The following GDAP2 variants were observed in gnomAD, a reference collection of about 807,000 sequenced individuals.
The protein encoded by GDAP2 is ganglioside-induced differentiation-associated protein 2.
In GDAP2, 51 loss-of-function variants were observed where a neutral mutation model predicts 67.0. The ratio of observed to expected loss-of-function variants is 0.76; its 90% CI spans 0.61 to 0.96. GDAP2 has a LOEUF of 0.96. Among genes scored for constraint, GDAP2 ranks in the 40% least tolerant of loss-of-function variants. The probability of loss-of-function intolerance (pLI) is 0.00; values close to 1 mark genes in which losing one functional copy is unlikely to be tolerated. For synonymous variants in GDAP2, 203 were observed against 207.3 expected (o/e 0.98, Z 0.18); for missense variants, 547 against 588.3 (o/e 0.93, Z 0.73).
intron 10 of GDAP2, among the ~76,000 whole-genome samples, chr1:117,884,813 C>CAT (rs376358688): frequency 0.013 from 1,905 of 147,930 alleles, 26 homozygotes; most frequent in African/African-American, 0.034. Flanking sequence ...TTATTCCCTC[C>CAT]GTGTGTGTGT....
chr1:117,863,650 A>C lies in GDAP2; in HGVS notation c.*6919T>G, dbSNP rs146215550. On this transcript the variant is annotated 3_prime_UTR_variant, in exon 14 of 14. Coordinates refer to ENST00000369443, the MANE Select transcript of GDAP2 (RefSeq NM_017686.4). ...GATTTGACAATAAATATTTTTGAGA[A>C]AATATAAGAAAATAAACTTTCTAAA... is the stretch of plus-strand genomic sequence containing the variant. 1 of 149,930 alleles carries C rather than the reference A, an allele frequency of 6.7e-6. No homozygotes were observed. Among genetic ancestry groups the C allele is most frequent in the East Asian group, 1.9e-4 (1 of 5,196 alleles). The allele number at this position is 149,930 out of a possible 1,614,324, so 9.3% of individuals were successfully genotyped here.
chr1:117,918,955 CCAT>C, intron 2 of GDAP2, among the ~76,000 whole-genome samples: 1 of 152,126 alleles, frequency 6.6e-6, no homozygotes, highest in Non-Finnish European at 1.5e-5. Context: ...CACAAAACCA[CCAT>C]GTTTAGAAAT....
intron 8 of GDAP2, among the ~76,000 whole-genome samples, chr1:117,888,869 T>C (rs536093963): frequency 7.9e-5 from 12 of 152,234 alleles, no homozygotes; most frequent in South Asian, 2.1e-4. Flanking sequence ...TAAAGTACAA[T>C]TGCACAACTG....
At chr1:117,905,771 C>T (rs1248453179) in intron 6 of GDAP2, among the ~76,000 whole-genome samples, 1 of 151,978 alleles carries the variant, frequency 6.6e-6, no homozygotes, top group Non-Finnish European at 1.5e-5. Context: ...AGTAAATGTG[C>T]CTTTTTTCAG....
In GDAP2 at chr1:117,884,181, T is replaced by C. The variant is rs550947327; in HGVS notation, c.1108-554A>G. ...AATTTTTTTAGATCTTTAGTGCTGA[T>C]CTGAAGGAGGACATTGACAGCAGGT... On this transcript the variant is annotated intron_variant, in intron 10 of 13. Transcript: ENST00000369443. 2.0e-5 allele frequency among the ~76,000 whole-genome samples: 3 copies of C among 152,242 alleles called. No individual in the cohort carries two copies. The East Asian group carries it at 5.8e-4, about 29-fold the overall frequency.
At chr1:117,885,733 G>A (rs1227355151) in intron 10 of GDAP2, among the ~76,000 whole-genome samples, 2 of 152,008 alleles carry the variant, frequency 1.3e-5, no homozygotes, top group Non-Finnish European at 2.9e-5. Context: ...TAAATTCTGT[G>A]TAATTTTGCA....
At chr1:117,927,851 C>T (rs1650506607) in intron 1 of GDAP2, among the ~76,000 whole-genome samples, 1 of 151,972 alleles carries the variant, frequency 6.6e-6, no homozygotes, top group Non-Finnish European at 1.5e-5. Flanking sequence ...TTAGTAGTAC[C>T]CCTTCATATT....
intron 1 of GDAP2, among the ~76,000 whole-genome samples, chr1:117,924,588 A>G (rs1650378133): frequency 6.6e-6 from 1 of 152,256 alleles, no homozygotes; most frequent in African/African-American, 2.4e-5. Flanking sequence ...TAATTGGAAC[A>G]AAACATGGAT....
chr1:117,899,262 A>C, intron 6 of GDAP2, 46 bp from the exon 7 acceptor site: 6 of 1,379,894 alleles, frequency 4.3e-6, no homozygotes, highest in Non-Finnish European at 6.2e-6. Context: ...GAACAAAACA[A>C]AGAAGACCTC....
chr1:117,922,429 T>C (rs76168165), intron 1 of GDAP2, among the ~76,000 whole-genome samples: 1,952 of 152,302 alleles, frequency 0.013, 35 homozygotes, highest in South Asian at 0.092. Context: ...ATCAGTTAAA[T>C]GATACTGAAA....
chr1:117,916,800 G>A (rs1051395773), intron 3 of GDAP2, among the ~76,000 whole-genome samples: 4 of 152,146 alleles, frequency 2.6e-5, no homozygotes. Flanking sequence ...TTGGGAGGCC[G>A]AGGCAGGCAG....
intron 1 of GDAP2, among the ~76,000 whole-genome samples, chr1:117,921,063 A>T (rs529079110): frequency 3.9e-4 from 59 of 152,350 alleles, no homozygotes; most frequent in Non-Finnish European, 6.9e-4. Flanking sequence ...TGGAAGACAC[A>T]CAGCGTCAAG....
intron 8 of GDAP2, among the ~76,000 whole-genome samples, chr1:117,893,610 G>GAAAAT (rs1306157700): frequency 6.6e-6 from 1 of 152,054 alleles, no homozygotes; most frequent in Middle Eastern, 3.2e-3. Context: ...CTCAATATGT[G>GAAAAT]AAAATAAAAG....
At chr1:117,882,064 A>G (rs956754671) in intron 11 of GDAP2, among the ~76,000 whole-genome samples, 187 bp from the exon 12 acceptor site, 1 of 152,164 alleles carries the variant, frequency 6.6e-6, no homozygotes, top group Non-Finnish European at 1.5e-5. Context: ...TCCATTTTTT[A>G]AAGTATCTCT....
At chr1:117,872,813 T>G (rs779875651) in intron 13 of GDAP2, among the ~76,000 whole-genome samples, 16 of 152,072 alleles carry the variant, frequency 1.1e-4, no homozygotes, top group Non-Finnish European at 2.4e-4. Flanking sequence ...AACCTGCACA[T>G]CCTACACATG....
chr1:117,878,295 G>C, intron 12 of GDAP2, 143 bp from the exon 13 acceptor site: 1 of 527,486 alleles, frequency 1.9e-6, no homozygotes, highest in African/African-American at 1.9e-5. Flanking sequence ...TCTGAATTTT[G>C]CAATCATCAG....
At chr1:117,905,755 AG>A (rs1649632469) in intron 6 of GDAP2, among the ~76,000 whole-genome samples, 1 of 152,170 alleles carries the variant, frequency 6.6e-6, no homozygotes, top group Admixed American at 6.6e-5. Flanking sequence ...AGATGAAACG[AG>A]ATAAAGTAAA....
intron 6 of GDAP2, among the ~76,000 whole-genome samples, chr1:117,902,817 G>C (rs1405635361): frequency 6.6e-6 from 1 of 152,128 alleles, no homozygotes; most frequent in African/African-American, 2.4e-5. Flanking sequence ...GATTTTGATA[G>C]GAATTAAGTC....
At chr1:117,904,501 T>C (rs957262785) in intron 6 of GDAP2, among the ~76,000 whole-genome samples, 2 of 152,236 alleles carry the variant, frequency 1.3e-5, no homozygotes, top group African/African-American at 4.8e-5. Flanking sequence ...TAAACTTGTT[T>C]TTCATTATCC....
Sources: gnomAD v4.1 joint callset for allele counts (sites outside exome capture counted in the v4.1 genomes callset) on GRCh38, gnomAD v4.1.1 for gene constraint, MANE v1.5 for transcripts, NCBI Gene and HGNC (gene_info 2026-07-23, HGNC 2026-07-21) for gene names.